Variants in SH3YL1 observed in about 807,000 individuals in gnomAD.
The protein encoded by SH3YL1 is SH3 domain-containing YSC84-like protein 1.
Under a neutral mutation model 45.8 loss-of-function variants are expected in SH3YL1, and 41 were observed. The observed-to-expected ratio is 0.89, with a 90% CI of 0.70 to 1.16. The LOEUF (loss-of-function observed/expected upper bound fraction) is 1.16. Ranked by LOEUF, SH3YL1 falls within the 50% of genes most tolerant of loss-of-function variation. The pLI is 0.00. For missense variants in SH3YL1, 389 were observed against 409.6 expected, an observed-to-expected ratio of 0.95 and a Z score of 0.43; for synonymous variants, 152 against 151.4, an observed-to-expected ratio of 1.00 and a Z score of -0.03.
chr2:234,970 C>T (rs910344799), intron 4 of SH3YL1, among the ~76,000 whole-genome samples: 3 of 152,166 alleles, frequency 2.0e-5, no homozygotes, highest in East Asian at 1.9e-4. Flanking sequence ...CTCCGCCTCC[C>T]GGGTTCAAGT....
At chr2:232,539 C>T (rs900038016) in intron 6 of SH3YL1, among the ~76,000 whole-genome samples, 1 of 151,832 alleles carries the variant, frequency 6.6e-6, no homozygotes, top group African/African-American at 2.4e-5. Flanking sequence ...GTGTGCTGCA[C>T]CCATCAACTC....
At chr2:229,652 C>A (rs2103023784) in intron 8 of SH3YL1, among the ~76,000 whole-genome samples, 1 of 148,838 alleles carries the variant, frequency 6.7e-6, no homozygotes, top group East Asian at 2.0e-4. Context: ...TGGCGTGAAC[C>A]CGGGAGGCGG....
chr2:252,434 G>A lies in SH3YL1; in HGVS notation c.112+571C>T, dbSNP rs573398789. ...AGCAGGAACATGTGGTGTTTAGGGCGCTGGCACCCTGGGATGGGAGGCAGG... is the reference window on the plus strand; with the variant it reads ...AGCAGGAACATGTGGTGTTTAGGGCACTGGCACCCTGGGATGGGAGGCAGG... On this transcript the variant is annotated intron_variant, in intron 2 of 9. Coordinates refer to ENST00000356150, the MANE Select transcript of SH3YL1 (RefSeq NM_015677.4). Among the ~76,000 whole-genome samples the A allele has an allele frequency of 5.3e-5, 8 of 152,226 alleles. No homozygotes were observed. In the East Asian group the frequency reaches 9.7e-4, roughly 18 times the overall value.
rs752911864 is a variant in SH3YL1, at chr2:233,237, G to T, written c.405-8C>A. ...ACGTTTCCTTCCAAGTTCCTGCAAA[G>T]CACAAGATTTTGCATCACAAAGCTG... On this transcript the variant is annotated splice_region_variant and splice_polypyrimidine_tract_variant and intron_variant, in intron 5 of 9. Coordinates refer to ENST00000356150, the MANE Select transcript of SH3YL1 (RefSeq NM_015677.4). The T allele has an allele frequency of 6.4e-6, 10 of 1,554,724 alleles. No homozygotes were observed. The East Asian group carries it at 2.3e-4, about 36-fold the overall frequency.
intron 8 of SH3YL1, among the ~76,000 whole-genome samples, chr2:229,272 A>T (rs796603789): frequency 2.6e-5 from 4 of 152,228 alleles, no homozygotes; most frequent in Non-Finnish European, 5.9e-5. Context: ...TCCAAAGAAC[A>T]TATGTCAAAA....
At chr2:259,691 T>C (rs1490303085) in intron 1 of SH3YL1, 1 of 151,428 alleles carries the variant, frequency 6.6e-6, no homozygotes, top group East Asian at 1.9e-4. Context: ...AGAAGAAAAT[T>C]CAGAAATTAA....
intron 4 of SH3YL1, among the ~76,000 whole-genome samples, chr2:235,016 T>C (rs867418765): frequency 1.1e-4 from 17 of 152,186 alleles, no homozygotes; most frequent in Admixed American, 6.5e-4. Context: ...TAGCTGGGAT[T>C]ACAGGCACGT....
At chr2:255,008 T>C (rs1273643493) in intron 1 of SH3YL1, among the ~76,000 whole-genome samples, 2 of 152,210 alleles carry the variant, frequency 1.3e-5, no homozygotes, top group Non-Finnish European at 2.9e-5. Flanking sequence ...CTTACATATA[T>C]TGATTGATGT....
intron 4 of SH3YL1, among the ~76,000 whole-genome samples, chr2:238,313 G>A (rs1276113245): frequency 6.7e-6 from 1 of 148,562 alleles, no homozygotes; most frequent in African/African-American, 2.5e-5. Flanking sequence ...GGCATGGCCA[G>A]TCTCAATATG....
At chr2:244,449 T>G (rs1456935823) in intron 4 of SH3YL1, among the ~76,000 whole-genome samples, 1 of 150,622 alleles carries the variant, frequency 6.6e-6, no homozygotes, top group Non-Finnish European at 1.5e-5. Flanking sequence ...TGAGCTGAGA[T>G]TGCTCCACTG....
intron 8 of SH3YL1, among the ~76,000 whole-genome samples, chr2:228,999 T>G (rs575897390): frequency 1.3e-5 from 2 of 152,352 alleles, no homozygotes; most frequent in African/African-American, 4.8e-5. Context: ...CTCCTCTTGT[T>G]CTGAAAGTCC....
In SH3YL1 at chr2:218,833, G is replaced by T; in HGVS notation, c.1007C>A (p.Ala336Asp). Reference protein sequence around the residue: ...KLRGQTGIFPANYVTMN With the variant: ...KLRGQTGIFPDNYVTMN The stretch of plus-strand genomic sequence containing the variant: ...GCTTTAATTCATGGTTACGTAGTTG[G>T]CTGGAAAAATGCCAGTTTGACCTCG... The change falls in exon 10 of 10, where the codon GCC becomes GAC. Residue 336 changes from alanine to aspartate, a missense_variant. Ala to Asp is a moderately radical substitution (Grantham distance 126). Transcript: ENST00000356150. 1 of 1,613,490 alleles carries T rather than the reference G, an allele frequency of 6.2e-7. No homozygotes were observed. The highest frequency in any genetic ancestry group is 8.5e-7 in the Non-Finnish European group (1 of 1,179,628).
At chr2:260,626 C>A (rs1429529988) in intron 1 of SH3YL1, 1 of 152,210 alleles carries the variant, frequency 6.6e-6, no homozygotes, top group South Asian at 2.1e-4. Flanking sequence ...GGAGAGAGCA[C>A]CTGGGCTCTG....
chr2:229,672 TGAGCC>T (rs1321881373), intron 8 of SH3YL1, among the ~76,000 whole-genome samples: 1 of 132,950 alleles, frequency 7.5e-6, no homozygotes, highest in Non-Finnish European at 1.5e-5. Flanking sequence ...GAGCTTGCAG[TGAGCC>T]GAGATCCCGC....
intron 4 of SH3YL1, among the ~76,000 whole-genome samples, chr2:239,008 G>C (rs1668426944): frequency 6.6e-6 from 1 of 152,174 alleles, no homozygotes; most frequent in Non-Finnish European, 1.5e-5. Flanking sequence ...GCTAAGCTTA[G>C]GGTCACTTAC....
At chr2:231,783 T>G (rs1407345719) in intron 6 of SH3YL1, among the ~76,000 whole-genome samples, 1 of 152,230 alleles carries the variant, frequency 6.6e-6, no homozygotes, top group Non-Finnish European at 1.5e-5. Context: ...TTTTGTTAAC[T>G]GTTCTCAAAT....
At chr2:263,870 C>T (rs1669714268) in intron 1 of SH3YL1, 114 bp downstream of exon 1, 1 of 885,548 alleles carries the variant, frequency 1.1e-6, no homozygotes, top group Non-Finnish European at 1.8e-6. Context: ...TTAACAGACG[C>T]GCGACCTAGA....
intron 3 of SH3YL1, among the ~76,000 whole-genome samples, chr2:249,200 C>T (rs988305407): frequency 6.6e-6 from 1 of 152,148 alleles, no homozygotes; most frequent in Non-Finnish European, 1.5e-5. Flanking sequence ...GATTTCATCT[C>T]TAAAGAATCA....
At chr2:226,771 G>A (rs1197259543) in intron 8 of SH3YL1, among the ~76,000 whole-genome samples, 1 of 152,062 alleles carries the variant, frequency 6.6e-6, no homozygotes, top group African/African-American at 2.4e-5. Context: ...TATATGGTGG[G>A]GAGTGTATAT....
Sources: gnomAD v4.1 joint callset for allele counts (sites outside exome capture counted in the v4.1 genomes callset) on GRCh38, gnomAD v4.1.1 for gene constraint, MANE v1.5 for transcripts, NCBI Gene and HGNC (gene_info 2026-07-23, HGNC 2026-07-21) for gene names.